GRIA4: variants seen among roughly 807,000 people sequenced by gnomAD.
GRIA4 encodes glutamate ionotropic receptor AMPA type subunit 4.
In GRIA4, 34 loss-of-function variants were observed where a neutral mutation model predicts 104.0. The ratio of observed to expected loss-of-function variants is 0.33; its 90% CI spans 0.25 to 0.44. The LOEUF is 0.44. Among genes scored for constraint, GRIA4 ranks in the 20% least tolerant of loss-of-function variants. The pLI, the probability that GRIA4 is intolerant of heterozygous loss-of-function variation, is 1.00. For missense variants in GRIA4, 750 were observed against 1,096.5 expected (o/e 0.68, Z 4.46); for synonymous variants, 386 against 381.9 (o/e 1.01, Z -0.13).
intron 6 of GRIA4, among the ~76,000 whole-genome samples, chr11:105,897,586 A>T (rs1946699685): frequency 6.6e-6 from 1 of 152,072 alleles, no homozygotes; most frequent in South Asian, 2.1e-4. Context: ...TGTTCTTTTG[A>T]TGCCTAGTTT....
chr11:105,738,479 C>T (rs974511346), intron 3 of GRIA4, among the ~76,000 whole-genome samples: 4 of 152,114 alleles, frequency 2.6e-5, no homozygotes, highest in African/African-American at 9.7e-5. Context: ...ATACATTAAA[C>T]AAATGTCACC....
chr11:105,882,051 T>G (rs1263936755), intron 5 of GRIA4, among the ~76,000 whole-genome samples: 1 of 152,214 alleles, frequency 6.6e-6, no homozygotes, highest in Non-Finnish European at 1.5e-5. Flanking sequence ...GTAAAATATT[T>G]TAAAGCATTT....
chr11:105,680,906 C>T (rs151320373), intron 3 of GRIA4, among the ~76,000 whole-genome samples: 5 of 152,088 alleles, frequency 3.3e-5, no homozygotes, highest in African/African-American at 1.2e-4. Context: ...CATTTATGCT[C>T]CACTTTGCTC....
At chr11:105,736,474 T>C (rs1433899884) in intron 3 of GRIA4, among the ~76,000 whole-genome samples, 1 of 152,156 alleles carries the variant, frequency 6.6e-6, no homozygotes, top group Non-Finnish European at 1.5e-5. Context: ...TTCCGAAAGT[T>C]ATTTTCTTAT....
chr11:105,927,817 C>G (rs1207535722), intron 13 of GRIA4, among the ~76,000 whole-genome samples: 1 of 151,944 alleles, frequency 6.6e-6, no homozygotes, highest in East Asian at 1.9e-4. Context: ...TTAAAAAGTT[C>G]GCCAGAGTGA....
chr11:105,692,879 T>C (rs1953139598), intron 3 of GRIA4, among the ~76,000 whole-genome samples: 1 of 152,188 alleles, frequency 6.6e-6, no homozygotes, highest in Admixed American at 6.5e-5. Flanking sequence ...ATTACTGAAA[T>C]ATAAATGGAC....
intron 4 of GRIA4, among the ~76,000 whole-genome samples, chr11:105,768,901 T>C (rs1320243731): frequency 6.6e-6 from 1 of 152,058 alleles, no homozygotes; most frequent in African/African-American, 2.4e-5. Flanking sequence ...TTTGAGACTA[T>C]GGTTCTAAGT....
chr11:105,615,909 T>C (rs1329341638), intron 3 of GRIA4, among the ~76,000 whole-genome samples: 1 of 151,766 alleles, frequency 6.6e-6, no homozygotes, highest in Non-Finnish European at 1.5e-5. Flanking sequence ...GATAAATATA[T>C]TTTAGTCATT....
intron 11 of GRIA4, among the ~76,000 whole-genome samples, chr11:105,920,051 C>T (rs998046849): frequency 6.6e-6 from 1 of 152,134 alleles, no homozygotes; most frequent in Admixed American, 6.6e-5. Context: ...GATTCTGCAT[C>T]TTGCCTTTTA....
chr11:105,763,463 G>C (rs1227726355), intron 4 of GRIA4, among the ~76,000 whole-genome samples: 2 of 152,118 alleles, frequency 1.3e-5, no homozygotes. Context: ...TGGCAGAATA[G>C]AAAGGATCGA....
rs145780006 is a variant in GRIA4, at chr11:105,735,316, G to C, written c.248-17665G>C. Among the ~76,000 whole-genome samples, 198 of 152,164 alleles carry C rather than the reference G, an allele frequency of 1.3e-3. 1 individual carries two copies. Among genetic ancestry groups the C allele is most frequent in the Middle Eastern group, 3.4e-3 (1 of 294 alleles). ...TTGTAAGTGAACAAACAACTCGCTT[G>C]TCTTAATCAGCAAAAGAGAAAGGAT... is the stretch of plus-strand genomic sequence containing the variant. On this transcript the variant is annotated intron_variant, in intron 3 of 16. Transcript: ENST00000282499.
At chr11:105,709,448 G>A (rs1268975330) in intron 3 of GRIA4, among the ~76,000 whole-genome samples, 1 of 152,106 alleles carries the variant, frequency 6.6e-6, no homozygotes, top group African/African-American at 2.4e-5. Context: ...ATAGGTGAAT[G>A]TATAATGAGA....
intron 3 of GRIA4, among the ~76,000 whole-genome samples, chr11:105,648,410 G>A (rs1449108743): frequency 1.3e-5 from 2 of 150,784 alleles, no homozygotes; most frequent in Admixed American, 6.6e-5. Context: ...TTTAAAAATT[G>A]GATAAATTAT....
At chr11:105,867,489 C>T (rs999607351) in intron 5 of GRIA4, among the ~76,000 whole-genome samples, 20 of 152,134 alleles carry the variant, frequency 1.3e-4, no homozygotes, top group Non-Finnish European at 2.5e-4. Context: ...CATCAGGTAT[C>T]GTACAAATCT....
intron 11 of GRIA4, among the ~76,000 whole-genome samples, chr11:105,919,445 G>T (rs942920851): frequency 1.3e-5 from 2 of 152,034 alleles, no homozygotes; most frequent in Non-Finnish European, 2.9e-5. Flanking sequence ...CAATTCTGCT[G>T]AACACAGTAA....
chr11:105,850,008 C>G (rs1944743387), intron 4 of GRIA4, among the ~76,000 whole-genome samples: 1 of 152,020 alleles, frequency 6.6e-6, no homozygotes, highest in African/African-American at 2.4e-5. Context: ...TTTAATTCAC[C>G]AGCACAATTC....
intron 3 of GRIA4, among the ~76,000 whole-genome samples, chr11:105,649,042 C>T (rs778109082): frequency 2.0e-5 from 3 of 152,116 alleles, no homozygotes; most frequent in Non-Finnish European, 4.4e-5. Context: ...TCAAACAAAG[C>T]TGATGTTAAT....
At chr11:105,847,473 A>T (rs561088209) in intron 4 of GRIA4, among the ~76,000 whole-genome samples, 1 of 152,044 alleles carries the variant, frequency 6.6e-6, no homozygotes, top group African/African-American at 2.4e-5. Flanking sequence ...TCCATAAAAA[A>T]CCTCTTTATC....
rs775632993 is a variant in GRIA4 at position 105,704,024 on chromosome 11, T to C, written c.248-48957T>C. Reference sequence around the variant, plus strand: ...ACAAATATCTTATATCTATAATTCATTATTCCTCTATGTCTATAAATATAC... The same window carrying C: ...ACAAATATCTTATATCTATAATTCACTATTCCTCTATGTCTATAAATATAC... On this transcript the variant is annotated intron_variant, in intron 3 of 16. Transcript: ENST00000282499. Among the ~76,000 whole-genome samples, 217 of 152,224 alleles carry C rather than the reference T, an allele frequency of 1.4e-3. 2 individuals carry two copies. The highest frequency in any genetic ancestry group is 2.3e-3 in the Non-Finnish European group (153 of 67,944).
Sources: allele counts gnomAD v4.1 joint callset (sites outside exome capture counted in the v4.1 genomes callset), GRCh38; gene constraint gnomAD v4.1.1; transcripts MANE v1.5; gene names NCBI Gene and HGNC (gene_info 2026-07-23, HGNC 2026-07-21).